Variants in ACACB observed in about 807,000 individuals in gnomAD.
ACACB encodes the protein acetyl-CoA carboxylase beta.
ACACB carries 209 observed loss-of-function variants against 278.8 expected under a neutral mutation model. The ratio of observed to expected loss-of-function variants is 0.75; its 90% CI spans 0.67 to 0.84. ACACB has a LOEUF of 0.84. Ranked by LOEUF, ACACB falls within the 40% of genes least tolerant of loss-of-function variation. The pLI is 0.00. For missense variants in ACACB, 2,850 were observed against 3,269.0 expected (o/e 0.87, Z 3.13); for synonymous variants, 1,174 against 1,285.6 (o/e 0.91, Z 1.86).
chr12:109,133,520 C>T (rs960952617), intron 1 of ACACB, among the ~76,000 whole-genome samples: 3 of 152,026 alleles, frequency 2.0e-5, no homozygotes, highest in Non-Finnish European at 4.4e-5. Flanking sequence ...CATGAGCCAC[C>T]GTGCCTGGCC....
intron 4 of ACACB, among the ~76,000 whole-genome samples, chr12:109,169,210 T>C (rs2044025221): frequency 6.6e-6 from 1 of 151,142 alleles, no homozygotes; most frequent in South Asian, 2.1e-4. Context: ...TTTGTGCTTC[T>C]CCTTAAAATG....
In ACACB at chr12:109,199,632, A is replaced by G. The variant is rs567701736; in HGVS notation, c.2778+80A>G. 1.0e-4 allele frequency: 133 copies of G among 1,301,010 alleles called. No individual in the cohort carries two copies. The African/African-American group carries it at 1.5e-3, about 15-fold the overall frequency. 80.6% of individuals were successfully genotyped at this position (1,301,010 alleles called of 1,614,324 possible). Reference sequence around the variant, plus strand: ...GGCTTTGTCCCATGTCTGAACAAACAGGCCTACCTCTCCCCTTGACCACTG... The same window carrying G: ...GGCTTTGTCCCATGTCTGAACAAACGGGCCTACCTCTCCCCTTGACCACTG... On this transcript the variant is annotated intron_variant, in intron 18 of 52. Coordinates refer to ENST00000338432, the MANE Select transcript of ACACB (RefSeq NM_001093.4).
At chr12:109,202,495 A>C (rs2045366409) in intron 19 of ACACB, among the ~76,000 whole-genome samples, 1 of 151,984 alleles carries the variant, frequency 6.6e-6, no homozygotes, top group South Asian at 2.1e-4. Flanking sequence ...TTGTATTTTT[A>C]GTAGAGACAG....
chr12:109,233,813 C>A lies in ACACB; in HGVS notation c.4205C>A (p.Ala1402Asp), dbSNP rs748208069. 1 of 1,614,212 alleles carries A rather than the reference C, an allele frequency of 6.2e-7. No homozygotes were observed. Among genetic ancestry groups the A allele is most frequent in the East Asian group, 2.2e-5 (1 of 44,878 alleles). Residue 1402 changes from alanine to aspartate, a missense_variant, in exon 30 of 53, where the codon GCC becomes GAC. Physicochemically the swap from Ala to Asp is moderately radical, Grantham distance 126. Around this residue, in one of 3 missense-constraint regions of ACACB, gnomAD observed 2,265 missense variants for 2,561.3 expected, o/e 0.88. Coordinates refer to ENST00000338432, the MANE Select transcript of ACACB (RefSeq NM_001093.4). ...AAAGACACCCCCCTCTTCAGCGAGGCCCGCACCTCCCTATACTCCGAGGAT... is the reference window on the plus strand; with the variant it reads ...AAAGACACCCCCCTCTTCAGCGAGGACCGCACCTCCCTATACTCCGAGGAT... ...VPKDTPLFSE[A>D]RTSLYSEDDC... is the part of the protein sequence containing the mutation.
At chr12:109,258,485 C>T (rs2047290337) in intron 46 of ACACB, 121 bp downstream of exon 46, 1 of 737,724 alleles carries the variant, frequency 1.4e-6, no homozygotes, top group Non-Finnish European at 2.2e-6. Context: ...GGACCCAGTG[C>T]AGTCCCTGGC....
chr12:109,157,272 G>GTTATTA (rs71079530), intron 2 of ACACB, among the ~76,000 whole-genome samples: 62,311 of 142,936 alleles, frequency 0.44, 15,525 homozygotes, highest in Middle Eastern at 0.64. Context: ...TTCTAGAGTT[G>GTTATTA]TTATTATTAT....
chr12:109,184,428 C>A (rs2044584367), intron 11 of ACACB, among the ~76,000 whole-genome samples: 3 of 152,118 alleles, frequency 2.0e-5, no homozygotes. Flanking sequence ...ATTCTAAAGG[C>A]CTCCTACAAC....
intron 2 of ACACB, among the ~76,000 whole-genome samples, chr12:109,143,687 G>C (rs1300925637): frequency 6.6e-6 from 1 of 152,128 alleles, no homozygotes; most frequent in African/African-American, 2.4e-5. Flanking sequence ...CCCAGCCCCA[G>C]AATCAGGGGC....
chr12:109,227,608 G>T, intron 28 of ACACB, 119 bp downstream of exon 28: 1 of 903,472 alleles, frequency 1.1e-6, no homozygotes. Context: ...AGACATCAGC[G>T]ATAAGCACTT....
At chr12:109,171,117 G>C (rs751558079) in intron 4 of ACACB, among the ~76,000 whole-genome samples, 16 of 144,104 alleles carry the variant, frequency 1.1e-4, no homozygotes, top group Non-Finnish European at 2.2e-4. Flanking sequence ...GCCTCCCAAA[G>C]TGCTGGGATG....
intron 35 of ACACB, 112 bp from the exon 36 acceptor site, chr12:109,240,966 C>G (rs1026919871): frequency 1.0e-6 from 1 of 984,342 alleles, no homozygotes; most frequent in Non-Finnish European, 1.6e-6. Flanking sequence ...CACACTATGT[C>G]CCAGGCGTTT....
intron 27 of ACACB, among the ~76,000 whole-genome samples, chr12:109,226,947 A>G (rs978123807): frequency 9.2e-5 from 14 of 151,686 alleles, no homozygotes; most frequent in African/African-American, 3.4e-4. Context: ...TGCTGCTTAG[A>G]AATCTTTTTT....
Position 109,167,106 on chromosome 12 carries a change from G to T in ACACB, c.786+113G>T, listed in dbSNP as rs578166176. Reference sequence around the variant, plus strand: ...GGCTCATTCTGCCTGCTGCAGAGAGGGGGTGAGGGCCACGCTCCTCTGAGT... The same window carrying T: ...GGCTCATTCTGCCTGCTGCAGAGAGTGGGTGAGGGCCACGCTCCTCTGAGT... On this transcript the variant is annotated intron_variant, in intron 3 of 52. Transcript: ENST00000338432. The T allele has an allele frequency of 5.5e-4, 781 of 1,427,048 alleles. 13 individuals carry two copies. The South Asian group carries it at 9.1e-3, about 17-fold the overall frequency. 88.4% of individuals were successfully genotyped at this position (1,427,048 alleles called of 1,614,324 possible). A position where few individuals can be genotyped will look rare whatever the true frequency, so the allele number is the denominator to read the frequency against.
In ACACB at chr12:109,265,476, G is replaced by C. The variant is rs1263753550; in HGVS notation, c.7201G>C (p.Glu2401Gln). The change falls in exon 52 of 53, where the codon GAG (glutamate) becomes CAG (glutamine). Residue 2401 changes from glutamate to glutamine, a missense_variant. By Grantham distance (29) the Glu-to-Gln change is conservative. Coordinates refer to ENST00000338432, the MANE Select transcript of ACACB (RefSeq NM_001093.4). ...GGATGGCCCGCGCTCCACCATCCGT[G>C]AGAACATCACGTACCTGAAGCACGA... ...AGDGPRSTIR[E>Q]NITYLKHDSV... 5.0e-6 allele frequency: 8 copies of C among 1,613,668 alleles called. No individual in the cohort carries two copies. Among genetic ancestry groups the C allele is most frequent in the Non-Finnish European group, 6.8e-6 (8 of 1,179,908 alleles).
intron 21 of ACACB, among the ~76,000 whole-genome samples, chr12:109,211,605 G>A (rs73191150): frequency 0.066 from 10,094 of 152,176 alleles, 800 homozygotes; most frequent in African/African-American, 0.19. Flanking sequence ...TCATGAAGAA[G>A]GAAGTAGATT....
At chr12:109,186,385 C>T (rs2044664720) in intron 12 of ACACB, among the ~76,000 whole-genome samples, 1 of 152,040 alleles carries the variant, frequency 6.6e-6, no homozygotes, top group Admixed American at 6.5e-5. Context: ...CCACCTGGGA[C>T]CTGCTGAGAC....
chr12:109,151,617 G>A (rs1027635862), intron 2 of ACACB, among the ~76,000 whole-genome samples: 1 of 152,206 alleles, frequency 6.6e-6, no homozygotes, highest in Non-Finnish European at 1.5e-5. Flanking sequence ...CAAGCCCATG[G>A]ATGGCACAGT....
At position 109,242,439 on chromosome 12, in the gene ACACB, C is replaced by T; in HGVS notation, c.5025C>T (p.Ile1675=). 1 of 1,613,522 alleles carries T rather than the reference C, an allele frequency of 6.2e-7. No homozygotes were observed. Among genetic ancestry groups the T allele is most frequent in the Non-Finnish European group, 8.5e-7 (1 of 1,179,636 alleles). ...KEVTDSRSGN[I]MFHSFGNKQG... ...GTTTTCCCTCCTTTCTGGTCCAGAT[C>T]ATGTTTCACTCCTTCGGCAACAAGC... The change falls in exon 37 of 53, where the codon ATC becomes ATT. Residue 1675 remains isoleucine, a splice_region_variant and synonymous_variant. Transcript: ENST00000338432.
At chr12:109,247,800 G>A (rs2046989755) in intron 40 of ACACB, 97 bp downstream of exon 40, 1 of 1,015,052 alleles carries the variant, frequency 9.9e-7, no homozygotes, top group Admixed American at 1.9e-5. Flanking sequence ...CAGTGGGGTG[G>A]TGGTGTTTGT....
Sources: allele counts gnomAD v4.1 joint callset (sites outside exome capture counted in the v4.1 genomes callset), GRCh38; gene constraint gnomAD v4.1.1; regional missense constraint gnomAD v4.1.1; transcripts MANE v1.5; gene names NCBI Gene and HGNC (gene_info 2026-07-23, HGNC 2026-07-21).